Variants in NPIPB15 observed in about 807,000 individuals in gnomAD.
NPIPB15 encodes nuclear pore complex-interacting protein family member B15.
In NPIPB15, 5 loss-of-function variants were observed where a neutral mutation model predicts 35.9. That is an observed-to-expected ratio of 0.14 (90% CI 0.07 to 0.29). The LOEUF (loss-of-function observed/expected upper bound fraction) is 0.29. Ranked by LOEUF, NPIPB15 falls within the 10% of genes least tolerant of loss-of-function variation. NPIPB15 has a pLI of 1.00. For synonymous variants in NPIPB15, 43 were observed against 182.0 expected (o/e 0.24, Z 6.15); for missense variants, 100 against 506.1 (o/e 0.20, Z 7.70).
In NPIPB15 at chr16:74,377,888, G is replaced by A. The variant is rs1164384860; in HGVS notation, c.-22-64G>A. ...CCCTCCCCAACTTAGATCCGGCCCC[G>A]GTCCCCGTCCCCTTCCCTCCCCCCT... is the stretch of plus-strand genomic sequence containing the variant. On this transcript the variant is annotated intron_variant, in intron 1 of 7. Coordinates refer to ENST00000692376, the MANE Select transcript of NPIPB15 (RefSeq NM_001306094.2). 24 of 730,364 alleles carry A rather than the reference G, an allele frequency of 3.3e-5. 1 individual carries two copies. Among genetic ancestry groups the A allele is most frequent in the Non-Finnish European group, 4.8e-5 (23 of 481,364 alleles). 45.2% of individuals were successfully genotyped at this position (730,364 alleles called of 1,614,324 possible).
At chr16:74,381,018 C>T (rs1227424843) in intron 2 of NPIPB15, among the ~76,000 whole-genome samples, 2 of 149,648 alleles carry the variant, frequency 1.3e-5, no homozygotes, top group Non-Finnish European at 3.0e-5. Context: ...TGGCAGAGAC[C>T]TGTAATCTCA....
At chr16:74,379,108 C>T (rs2011842998) in intron 2 of NPIPB15, among the ~76,000 whole-genome samples, 1 of 152,258 alleles carries the variant, frequency 6.6e-6, no homozygotes, top group Non-Finnish European at 1.5e-5. Context: ...CCAAGATCTA[C>T]ACTATTATGT....
At chr16:74,384,652 C>A (rs1267378494) in intron 3 of NPIPB15, among the ~76,000 whole-genome samples, 1 of 143,594 alleles carries the variant, frequency 7.0e-6, no homozygotes, top group Non-Finnish European at 1.5e-5. Flanking sequence ...CAGGCGTGAG[C>A]TACCGCACCT....
At position 74,391,657 on chromosome 16, in the gene NPIPB15, G is replaced by C. The variant is rs1140920; in HGVS notation, c.909G>C (p.Leu303=). 6.3e-7 allele frequency: 1 copy of C among 1,594,322 alleles called. No individual in the cohort carries two copies. Among genetic ancestry groups the C allele is most frequent in the Non-Finnish European group, 8.5e-7 (1 of 1,171,854 alleles). ...ATGATAATCTGAAGGAGTATCTCCT[G>C]GTCCCTCTTCCACCCTCTCCTCTTC... is the stretch of plus-strand genomic sequence containing the variant. ...SVDDNLKEYL[L]VPLPPSPLPP... The change falls in exon 8 of 8, where the codon CTG becomes CTC. Residue 303 remains leucine, a synonymous_variant. Coordinates refer to ENST00000692376, the MANE Select transcript of NPIPB15 (RefSeq NM_001306094.2).
intron 3 of NPIPB15, 49 bp downstream of exon 3, chr16:74,381,747 A>G (rs1295757634): frequency 6.6e-7 from 1 of 1,508,568 alleles, no homozygotes; most frequent in South Asian, 1.2e-5. Flanking sequence ...CACAAATAAG[A>G]ATAAATTATA....
intron 7 of NPIPB15, 66 bp from the exon 8 acceptor site, chr16:74,391,325 T>C (rs2012524099): frequency 6.4e-7 from 1 of 1,571,308 alleles, no homozygotes. Context: ...GCAGACTGTG[T>C]TGGTGGCGGT....
At chr16:74,388,317 T>C (rs1214406908) in intron 5 of NPIPB15, 1 of 914,690 alleles carries the variant, frequency 1.1e-6, no homozygotes, top group Non-Finnish European at 1.3e-6. Context: ...CCGATGGAGT[T>C]AGTTGTGATG....
intron 1 of NPIPB15, among the ~76,000 whole-genome samples, 21 bp downstream of exon 1, chr16:74,377,367 G>A (rs2011713204): frequency 1.3e-5 from 2 of 152,038 alleles, no homozygotes; most frequent in African/African-American, 4.8e-5. Context: ...GTTCCAGAGA[G>A]GACCTGTCCT....
intron 2 of NPIPB15, among the ~76,000 whole-genome samples, chr16:74,380,818 C>A (rs2011946373): frequency 6.8e-6 from 1 of 147,884 alleles, no homozygotes; most frequent in Non-Finnish European, 1.5e-5. Flanking sequence ...AGTGAGACCC[C>A]ATCTCAAAAA....
intron 2 of NPIPB15, among the ~76,000 whole-genome samples, chr16:74,379,724 G>C (rs2011880752): frequency 6.6e-6 from 1 of 152,078 alleles, no homozygotes. Context: ...CAAGTAGCTG[G>C]AACTATAGGC....
rs2011703660 is a variant in NPIPB15, at chr16:74,377,238, T to A, written c.-131T>A. ...TTCCTGCCATCCTGCCATCATTTGT[T>A]TTTTATGTTTTGTCGCCAAAAGTGA... On this transcript the variant is annotated 5_prime_UTR_variant, in exon 1 of 8. Transcript: ENST00000692376. 6.7e-6 allele frequency among the ~76,000 whole-genome samples: 1 copy of A among 148,568 alleles called. No homozygotes were observed. The highest frequency in any genetic ancestry group is 1.5e-5 in the Non-Finnish European group (1 of 67,484).
At chr16:74,378,902 G>A (rs1597151080) in intron 2 of NPIPB15, among the ~76,000 whole-genome samples, 1 of 152,108 alleles carries the variant, frequency 6.6e-6, no homozygotes, top group East Asian at 1.9e-4. Flanking sequence ...CCAGGTTCGA[G>A]CGATTCTCCT....
rs1404164951 is a variant in NPIPB15 at position 74,381,248 on chromosome 16, G to C, written c.67-268G>C. ...GACAACTTTGCTTCTTTTAATATAG[G>C]CAGGGAAGTGAAAAGATTGGATATC... On this transcript the variant is annotated intron_variant, in intron 2 of 7. Transcript: ENST00000692376. 29 of 600,774 alleles carry C rather than the reference G, an allele frequency of 4.8e-5. No individual in the cohort carries two copies. The South Asian group carries it at 6.4e-4, about 13-fold the overall frequency. The allele number at this position is 600,774 out of a possible 1,614,324, so 37.2% of individuals were successfully genotyped here.
Position 74,377,172 on chromosome 16 carries a change from G to A in NPIPB15, c.-197G>A, listed in dbSNP as rs373300213. Among the ~76,000 whole-genome samples the A allele has an allele frequency of 1.2e-3, 160 of 135,840 alleles. 4 individuals are homozygous for A. The South Asian group carries it at 0.015, about 13-fold the overall frequency. 89.1% of individuals were successfully genotyped at this position (135,840 alleles called of 152,430 possible). On this transcript the variant is annotated 5_prime_UTR_variant, in exon 1 of 8. Coordinates refer to ENST00000692376, the MANE Select transcript of NPIPB15 (RefSeq NM_001306094.2). ...TTGCTTAGGATATGAATGGCTGAGC[G>A]GAGGCTGTAAAACCTGGCACTCTGC...
chr16:74,389,054 A>T (rs2012417687), intron 5 of NPIPB15, among the ~76,000 whole-genome samples: 1 of 148,902 alleles, frequency 6.7e-6, no homozygotes, highest in South Asian at 2.1e-4. Context: ...GACTGTGTGG[A>T]AACTCGGTTC....
chr16:74,384,401 ACT>A (rs1246777055), intron 3 of NPIPB15, among the ~76,000 whole-genome samples: 1 of 101,346 alleles, frequency 9.9e-6, no homozygotes, highest in Non-Finnish European at 2.0e-5. Context: ...ACGGAGTCTC[ACT>A]CTGTCACCAG....
rs1480060719 is a variant in NPIPB15, at chr16:74,376,309, G to C, written c.-1060G>C. On this transcript the variant is annotated 5_prime_UTR_variant, in exon 1 of 8. Coordinates refer to ENST00000692376, the MANE Select transcript of NPIPB15 (RefSeq NM_001306094.2). ...AAGCAGTGGTTTTCAGCTGCCAGAGGCCTGAGTGAGTTTGGGCACACTCTG... is the reference window on the plus strand; with the variant it reads ...AAGCAGTGGTTTTCAGCTGCCAGAGCCCTGAGTGAGTTTGGGCACACTCTG... Among the ~76,000 whole-genome samples, 3 of 151,350 alleles carry C rather than the reference G, an allele frequency of 2.0e-5. No individual in the cohort carries two copies. In the Admixed American group the frequency reaches 2.0e-4, roughly 10 times the overall value.
chr16:74,377,229 A>G lies in NPIPB15; in HGVS notation c.-140A>G, dbSNP rs1300841194. ...ATGAAGTTCTTCCTGCCATCCTGCC[A>G]TCATTTGTTTTTTATGTTTTGTCGC... On this transcript the variant is annotated 5_prime_UTR_variant, in exon 1 of 8. Coordinates refer to ENST00000692376, the MANE Select transcript of NPIPB15 (RefSeq NM_001306094.2). 1.4e-5 allele frequency among the ~76,000 whole-genome samples: 2 copies of G among 146,814 alleles called. No individual in the cohort carries two copies.
At chr16:74,389,346 T>C (rs2012429806) in intron 5 of NPIPB15, among the ~76,000 whole-genome samples, 1 of 150,856 alleles carries the variant, frequency 6.6e-6, no homozygotes, top group Non-Finnish European at 1.5e-5. Flanking sequence ...TAGCAACAGT[T>C]TGGATCAGAC....
Sources: allele counts gnomAD v4.1 joint callset (sites outside exome capture counted in the v4.1 genomes callset), GRCh38; gene constraint gnomAD v4.1.1; transcripts MANE v1.5; gene names NCBI Gene and HGNC (gene_info 2026-07-23, HGNC 2026-07-21).